ARB2A: variants seen among roughly 807,000 people sequenced by gnomAD.
ARB2A encodes cotranscriptional regulator ARB2A.
the ARB2A span, among the ~76,000 whole-genome samples, chr5:93,912,442 G>A: frequency 1.3e-5 from 2 of 151,672 alleles, no homozygotes; most frequent in Non-Finnish European, 2.9e-5. Context: ...TCCATTTTGA[G>A]TTTTTATTTC....
At chr5:93,920,298 C>T in the ARB2A span, among the ~76,000 whole-genome samples, 1 of 152,094 alleles carries the variant, frequency 6.6e-6, no homozygotes, top group African/African-American at 2.4e-5. Flanking sequence ...AGCCATAGAG[C>T]TCATACTGCT....
the ARB2A span, among the ~76,000 whole-genome samples, chr5:93,894,177 T>C: frequency 3.3e-5 from 5 of 152,180 alleles, no homozygotes; most frequent in African/African-American, 7.2e-5. Context: ...ATATCTTACG[T>C]TGTCATGCAT....
At chr5:93,925,500 G>A in the ARB2A span, among the ~76,000 whole-genome samples, 1 of 152,176 alleles carries the variant, frequency 6.6e-6, no homozygotes, top group Non-Finnish European at 1.5e-5. Context: ...AGACAGATTA[G>A]CTTAGGGTCC....
At chr5:94,106,870 G>GAAAAAAAAAAAA in the ARB2A span, among the ~76,000 whole-genome samples, 5 of 57,400 alleles carry the variant, frequency 8.7e-5, no homozygotes, top group African/African-American at 1.2e-4. Context: ...AATCAATGCA[G>GAAAAAAAAAAAA]AAAAAAAAAA....
the ARB2A span, chr5:93,734,320 T>G: frequency 6.6e-6 from 1 of 152,070 alleles, no homozygotes; most frequent in East Asian, 1.9e-4. Flanking sequence ...AAAATATAGA[T>G]TCAAAGAAAA....
the ARB2A span, among the ~76,000 whole-genome samples, chr5:93,925,146 C>G: frequency 6.6e-6 from 1 of 151,912 alleles, no homozygotes; most frequent in African/African-American, 2.4e-5. Context: ...AATGTAATGT[C>G]TTAATCTATT....
chr5:94,009,681 G>T, the ARB2A span, among the ~76,000 whole-genome samples: 12 of 152,010 alleles, frequency 7.9e-5, no homozygotes, highest in Non-Finnish European at 1.8e-4. Context: ...CTAGAGCTTT[G>T]AGAAAGAAAT....
the ARB2A span, among the ~76,000 whole-genome samples, chr5:93,972,865 CAGG>C: frequency 6.6e-6 from 1 of 151,478 alleles, no homozygotes; most frequent in Admixed American, 6.6e-5. Flanking sequence ...CTCTTGAACC[CAGG>C]AGTTCAAGAC....
At chr5:93,982,600 C>T in the ARB2A span, among the ~76,000 whole-genome samples, 1 of 152,100 alleles carries the variant, frequency 6.6e-6, no homozygotes, top group South Asian at 2.1e-4. Flanking sequence ...GCTGTATGAA[C>T]ATCATAGACT....
the ARB2A span, among the ~76,000 whole-genome samples, chr5:93,844,074 C>T: frequency 1.3e-5 from 2 of 149,570 alleles, no homozygotes; most frequent in African/African-American, 2.5e-5. Context: ...AGAACAATTT[C>T]GGACTTTTCA....
the ARB2A span, among the ~76,000 whole-genome samples, chr5:93,901,878 C>T: frequency 6.6e-6 from 1 of 151,942 alleles, no homozygotes; most frequent in African/African-American, 2.4e-5. Context: ...TTGGGATGAA[C>T]ATATGAAAGA....
chr5:93,882,200 C>G, the ARB2A span, among the ~76,000 whole-genome samples: 1 of 151,246 alleles, frequency 6.6e-6, no homozygotes, highest in African/African-American at 2.4e-5. Flanking sequence ...AAGAATAAAT[C>G]TGATTTAACA....
chr5:93,909,364 A>G, the ARB2A span, among the ~76,000 whole-genome samples: 2 of 151,128 alleles, frequency 1.3e-5, no homozygotes, highest in East Asian at 3.9e-4. Flanking sequence ...TGTATGATTA[A>G]CTTGTCAATT....
At chr5:93,656,527 T>C in the ARB2A span, among the ~76,000 whole-genome samples, 3 of 152,226 alleles carry the variant, frequency 2.0e-5, no homozygotes, top group African/African-American at 7.2e-5. Context: ...GAAAAAGCTC[T>C]ATCTCTATTC....
At chr5:93,972,396 C>A in the ARB2A span, among the ~76,000 whole-genome samples, 1 of 151,904 alleles carries the variant, frequency 6.6e-6, no homozygotes, top group South Asian at 2.1e-4. Flanking sequence ...ACAAACAATA[C>A]ACACCACAGT....
At chr5:93,703,619 T>C in the ARB2A span, among the ~76,000 whole-genome samples, 1 of 152,198 alleles carries the variant, frequency 6.6e-6, no homozygotes, top group East Asian at 1.9e-4. Flanking sequence ...GGTAAAACTA[T>C]TTCAAAGAAC....
the ARB2A span, among the ~76,000 whole-genome samples, chr5:93,633,936 G>A: frequency 3.3e-5 from 5 of 152,054 alleles, no homozygotes; most frequent in African/African-American, 1.2e-4. Flanking sequence ...CTCCCGAGTA[G>A]TAGGATTGTA....
the ARB2A span, among the ~76,000 whole-genome samples, chr5:93,915,194 T>C: frequency 6.6e-6 from 1 of 151,998 alleles, no homozygotes; most frequent in African/African-American, 2.4e-5. Context: ...AGTTTTTCAG[T>C]TGCATTCAAA....
At chr5:94,038,081 A>G in the ARB2A span, among the ~76,000 whole-genome samples, 1 of 152,084 alleles carries the variant, frequency 6.6e-6, no homozygotes, top group African/African-American at 2.4e-5. Context: ...TTCAAGATAT[A>G]TATCAAAGAA....
Sources: allele counts gnomAD v4.1 joint callset (sites outside exome capture counted in the v4.1 genomes callset), GRCh38; gene constraint gnomAD v4.1.1; transcripts MANE v1.5; gene names NCBI Gene and HGNC (gene_info 2026-07-23, HGNC 2026-07-21).